DNAH17: variants seen among roughly 807,000 people sequenced by gnomAD.
The protein encoded by DNAH17 is dynein axonemal heavy chain 17.
Under a neutral mutation model 485.6 loss-of-function variants are expected in DNAH17, and 376 were observed. The ratio of observed to expected loss-of-function variants is 0.77; its 90% CI spans 0.71 to 0.84. The LOEUF is 0.84. DNAH17 is among the 40% of genes least tolerant of loss of function. The pLI is 0.00. For synonymous variants in DNAH17, 3,031 were observed against 2,405.9 expected (o/e 1.26, Z -7.60); for missense variants, 6,370 against 5,839.3 (o/e 1.09, Z -2.96).
Position 78,506,731 on chromosome 17 carries a change from C to A in DNAH17, c.4792G>T (p.Asp1598Tyr). 6.2e-7 allele frequency: 1 copy of A among 1,613,990 alleles called. No homozygotes were observed. Among genetic ancestry groups the A allele is most frequent in the Non-Finnish European group, 8.5e-7 (1 of 1,179,892 alleles). Residue 1598 changes from aspartate to tyrosine, a missense_variant, in exon 30 of 81, where the codon GAC (aspartate) becomes TAC (tyrosine). Asp to Tyr is a radical substitution (Grantham distance 160). Coordinates refer to ENST00000389840, the MANE Select transcript of DNAH17 (RefSeq NM_173628.4). ...GGGGCCCCGCCTACCTCCACGGGGTCATTGCCATTGGAGAGAATGTCCAGG... is the reference window on the plus strand; with the variant it reads ...GGGGCCCCGCCTACCTCCACGGGGTAATTGCCATTGGAGAGAATGTCCAGG... ...DLLDILSNGN[D>Y]PVEVSRHLSK...
chr17:78,571,420 G>T, intron 4 of DNAH17, 42 bp from the exon 5 acceptor site: 1 of 1,556,588 alleles, frequency 6.4e-7, no homozygotes, highest in Non-Finnish European at 8.8e-7. Flanking sequence ...TGACCTGGAA[G>T]ACCCTAAGGC....
Position 78,525,094 on chromosome 17 carries a change from T to C in DNAH17, c.3779A>G (p.Glu1260Gly). ...CTGCTTGTAGTCTGGGACGGGGACC[T>C]CGAACAGGCCCCCGGACTTGGACAG... is the stretch of plus-strand genomic sequence containing the variant. ...EALSKSGGLFEVPVPDYKQLK... is the reference protein window; with the variant it reads ...EALSKSGGLFGVPVPDYKQLK... The change falls in exon 25 of 81, where the codon GAG (glutamate) becomes GGG (glycine). Residue 1260 changes from glutamate (E) to glycine (G), a missense_variant. By Grantham distance (98) the Glu-to-Gly change is moderately conservative. Transcript: ENST00000389840. 1 of 1,613,818 alleles carries C rather than the reference T, an allele frequency of 6.2e-7. No individual in the cohort carries two copies. The highest frequency in any genetic ancestry group is 8.5e-7 in the Non-Finnish European group (1 of 1,179,870).
chr17:78,453,654 C>T (rs558539556), intron 64 of DNAH17, among the ~76,000 whole-genome samples, 189 bp from the exon 65 acceptor site: 3 of 152,222 alleles, frequency 2.0e-5, no homozygotes, highest in East Asian at 1.9e-4. Context: ...TTGTAAACTG[C>T]CCCCGTGCTC....
chr17:78,435,530 C>G (rs1040452764), intron 74 of DNAH17, among the ~76,000 whole-genome samples: 10 of 152,180 alleles, frequency 6.6e-5, no homozygotes, highest in Non-Finnish European at 5.9e-5. Context: ...TGCTGGCTGG[C>G]AGGGCTCCAC....
chr17:78,570,175 G>C (rs1405015285), intron 7 of DNAH17, 72 bp downstream of exon 7: 2 of 1,479,350 alleles, frequency 1.4e-6, no homozygotes, highest in Admixed American at 2.1e-5. Context: ...TGGGCAGCAG[G>C]AAAACAGTGA....
chr17:78,441,145 C>T lies in DNAH17; in HGVS notation c.11583G>A (p.Glu3861=). The T allele has an allele frequency of 3.1e-6, 5 of 1,613,942 alleles. No homozygotes were observed. The East Asian group carries it at 1.1e-4, about 36-fold the overall frequency. The change falls in exon 72 of 81, where the codon GAG becomes GAA. Residue 3861 remains glutamate, a synonymous_variant. Transcript: ENST00000389840. The stretch of plus-strand genomic sequence containing the variant: ...TGCTCTCCTCGTAGGACTTAGAAAA[C>T]TCAACACTCCGGCCTTCCACGAACT... ...GSKFVEGRSV[E]FSKSYEESSP...
chr17:78,515,247 G>A (rs549388466), intron 25 of DNAH17, among the ~76,000 whole-genome samples: 11 of 152,328 alleles, frequency 7.2e-5, no homozygotes, highest in African/African-American at 1.9e-4. Context: ...GGTGGCCCAC[G>A]TCTATAACCC....
At chr17:78,496,446 A>T (rs1189558830) in intron 37 of DNAH17, among the ~76,000 whole-genome samples, 1 of 120,756 alleles carries the variant, frequency 8.3e-6, no homozygotes, top group African/African-American at 3.2e-5. Flanking sequence ...TAACAGTACC[A>T]GTCACAGCGG....
At chr17:78,444,142 G>A (rs1222230590) in intron 71 of DNAH17, among the ~76,000 whole-genome samples, 1 of 152,214 alleles carries the variant, frequency 6.6e-6, no homozygotes, top group Non-Finnish European at 1.5e-5. Flanking sequence ...GTCCTCGAAT[G>A]CTGATGGGTT....
At chr17:78,457,322 G>C (rs890021610) in intron 62 of DNAH17, among the ~76,000 whole-genome samples, 32 of 152,068 alleles carry the variant, frequency 2.1e-4, no homozygotes, top group African/African-American at 7.7e-4. Context: ...AGTGAGCCAA[G>C]ATCGTGCCAC....
chr17:78,532,819 G>A, intron 19 of DNAH17, 83 bp from the exon 20 acceptor site: 2 of 1,419,186 alleles, frequency 1.4e-6, no homozygotes, highest in African/African-American at 1.4e-5. Flanking sequence ...GCCTTGAGAA[G>A]TGGTTCTCTG....
chr17:78,486,565 T>C, intron 44 of DNAH17, 59 bp from the exon 45 acceptor site: 4 of 1,534,260 alleles, frequency 2.6e-6, no homozygotes, highest in Non-Finnish European at 8.8e-7. Context: ...CCAGTGTCCC[T>C]GCCTTGGTAA....
intron 31 of DNAH17, 122 bp from the exon 32 acceptor site, chr17:78,503,133 G>A (rs2090358719): frequency 1.8e-6 from 2 of 1,100,760 alleles, no homozygotes; most frequent in Admixed American, 3.4e-5. Flanking sequence ...GGGGCAGACA[G>A]GTCAAGGATT....
At chr17:78,468,926 T>C (rs2088616420) in intron 54 of DNAH17, 43 bp from the exon 55 acceptor site, 6 of 1,582,078 alleles carry the variant, frequency 3.8e-6, no homozygotes, top group Non-Finnish European at 4.3e-6. Context: ...GGTAAAAAGA[T>C]GCTCAATTAG....
intron 25 of DNAH17, among the ~76,000 whole-genome samples, chr17:78,518,739 A>G (rs2090854873): frequency 6.6e-6 from 1 of 152,252 alleles, no homozygotes; most frequent in African/African-American, 2.4e-5. Flanking sequence ...CAGACAGACT[A>G]TATCCTGATC....
Position 78,429,141 on chromosome 17 carries a change from G to A in DNAH17, c.12385C>T (p.Pro4129Ser). Residue 4129 changes from proline (P) to serine (S), a missense_variant, in exon 76 of 81, where the codon CCC becomes TCC. Transcript: ENST00000389840. The stretch of plus-strand genomic sequence containing the variant: ...CTTACCTTGTAGTCCAGGTTGGGGG[G>A]GATCTGAAAGCCGGGGGCCAGCAGG... ...DVLLAPGFQI[P>S]PNLDYKGYHE... 6.2e-7 allele frequency: 1 copy of A among 1,613,338 alleles called. No homozygotes were observed. Among genetic ancestry groups the A allele is most frequent in the African/African-American group, 1.3e-5 (1 of 74,874 alleles).
rs1384987816 is a variant in DNAH17, at chr17:78,537,469, G to T, written c.2689C>A (p.Pro897Thr). The change falls in exon 19 of 81, where the codon CCC (proline) becomes ACC (threonine). Residue 897 changes from proline to threonine, a missense_variant. By Grantham distance (38) the Pro-to-Thr change is conservative. Transcript: ENST00000389840. ...AGCTCCATGCGGATCTCAAACAGGG[G>T]AGCGATACTCTCCTGAAAGAGGGGT... ...DNMVIDESIA[P>T]LFEIRMELDE... 6.2e-7 allele frequency: 1 copy of T among 1,613,302 alleles called. No individual in the cohort carries two copies. The highest frequency in any genetic ancestry group is 8.5e-7 in the Non-Finnish European group (1 of 1,179,846).
At chr17:78,443,372 C>G (rs1456959651) in intron 71 of DNAH17, among the ~76,000 whole-genome samples, 1 of 152,174 alleles carries the variant, frequency 6.6e-6, no homozygotes, top group African/African-American at 2.4e-5. Context: ...CCCTGGGACA[C>G]AGCTGGCATT....
chr17:78,510,711 C>A, intron 26 of DNAH17: 1 of 623,396 alleles, frequency 1.6e-6, no homozygotes, highest in Non-Finnish European at 2.7e-6. Context: ...CCTGTAAAAC[C>A]GCATAAGAGC....
Sources: gnomAD v4.1 joint callset for allele counts (sites outside exome capture counted in the v4.1 genomes callset) on GRCh38, gnomAD v4.1.1 for gene constraint, MANE v1.5 for transcripts, NCBI Gene and HGNC (gene_info 2026-07-23, HGNC 2026-07-21) for gene names.